CSMD1: variants seen among roughly 807,000 people sequenced by gnomAD.
CSMD1 encodes the protein CUB and sushi domain-containing protein 1.
CSMD1 carries 213 observed loss-of-function variants against 417.5 expected under a neutral mutation model. That is an observed-to-expected ratio of 0.51 (90% CI 0.46 to 0.57). CSMD1 has a LOEUF of 0.57. Ranked by LOEUF, CSMD1 falls within the 20% of genes least tolerant of loss-of-function variation. The pLI is 0.00. For synonymous variants in CSMD1, 2,862 were observed against 1,736.8 expected, an observed-to-expected ratio of 1.65 and a Z score of -16.11; for missense variants, 6,923 against 4,529.7, an observed-to-expected ratio of 1.53 and a Z score of -15.17.
intron 8 of CSMD1, among the ~76,000 whole-genome samples, chr8:3,594,100 T>C (rs536001950): frequency 1.6e-3 from 238 of 152,292 alleles, no homozygotes; most frequent in Non-Finnish European, 2.9e-3. Flanking sequence ...TTCTTCAGCA[T>C]CTTGAAAACA....
At chr8:4,244,717 G>C (rs560829332) in intron 3 of CSMD1, among the ~76,000 whole-genome samples, 31 of 151,952 alleles carry the variant, frequency 2.0e-4, no homozygotes, top group Non-Finnish European at 4.0e-4. Context: ...AGAAAACTCA[G>C]TTACCTCAAT....
At chr8:4,020,484 G>C (rs1237945456) in intron 4 of CSMD1, among the ~76,000 whole-genome samples, 1 of 152,152 alleles carries the variant, frequency 6.6e-6, no homozygotes. Context: ...CTAGGGTCAG[G>C]CTGCCTGGGT....
intron 5 of CSMD1, among the ~76,000 whole-genome samples, chr8:3,858,344 T>G (rs989812959): frequency 3.9e-5 from 6 of 152,276 alleles, no homozygotes; most frequent in Non-Finnish European, 7.4e-5. Flanking sequence ...GAAAAATGCT[T>G]AAAATATTTC....
At chr8:4,075,233 A>C (rs1032585998) in intron 3 of CSMD1, among the ~76,000 whole-genome samples, 19 of 152,192 alleles carry the variant, frequency 1.2e-4, no homozygotes, top group African/African-American at 4.1e-4. Context: ...GTGCAGCTTA[A>C]GGACTTAGGA....
chr8:3,576,536 T>C (rs928933445), intron 9 of CSMD1, among the ~76,000 whole-genome samples: 13 of 152,250 alleles, frequency 8.5e-5, no homozygotes, highest in Middle Eastern at 3.4e-3. Flanking sequence ...TGGAAATAAT[T>C]AGCTAAAATT....
Position 3,675,420 on chromosome 8 carries a change from G to A in CSMD1, c.1009+32994C>T, listed in dbSNP as rs112354642. ...CTTGTTTTGTTTGCTAATGAACAAA[G>A]GAAGTCTTCTGGATGGAAAGACCAA... On this transcript the variant is annotated intron_variant, in intron 7 of 69. Transcript: ENST00000635120. 1.5e-3 allele frequency among the ~76,000 whole-genome samples: 222 copies of A among 152,332 alleles called. 2 individuals are homozygous for A. The highest frequency in any genetic ancestry group is 5.1e-3 in the African/African-American group (214 of 41,582).
chr8:3,678,412 C>A (rs960507754), intron 7 of CSMD1, among the ~76,000 whole-genome samples: 2 of 151,954 alleles, frequency 1.3e-5, no homozygotes, highest in African/African-American at 4.8e-5. Context: ...ACAGCCGATT[C>A]GATCAACTGG....
At chr8:4,074,160 G>A (rs1292826083) in intron 3 of CSMD1, among the ~76,000 whole-genome samples, 2 of 151,954 alleles carry the variant, frequency 1.3e-5, no homozygotes, top group Non-Finnish European at 1.5e-5. Context: ...TACATATAAT[G>A]CATAACTTGT....
chr8:3,046,616 G>C (rs909606153), intron 50 of CSMD1, among the ~76,000 whole-genome samples: 1 of 152,140 alleles, frequency 6.6e-6, no homozygotes, highest in Non-Finnish European at 1.5e-5. Flanking sequence ...CCACGGTACA[G>C]TGTACCCCCA....
At chr8:4,784,321 C>T (rs770020764) in intron 1 of CSMD1, among the ~76,000 whole-genome samples, 6 of 152,192 alleles carry the variant, frequency 3.9e-5, no homozygotes, top group Admixed American at 6.5e-5. Flanking sequence ...AATAGAAAAG[C>T]GTGTAGCATT....
chr8:3,638,132 A>C (rs1006618198), intron 7 of CSMD1, among the ~76,000 whole-genome samples: 1 of 152,172 alleles, frequency 6.6e-6, no homozygotes, highest in Non-Finnish European at 1.5e-5. Flanking sequence ...TTGAGTCTTA[A>C]ACGTAAGATC....
intron 1 of CSMD1, among the ~76,000 whole-genome samples, chr8:4,987,305 T>C (rs6999675): frequency 1.4e-4 from 22 of 152,198 alleles, no homozygotes; most frequent in Non-Finnish European, 5.9e-5. Flanking sequence ...GTTCAAAAAC[T>C]GTGTGTCATG....
intron 2 of CSMD1, among the ~76,000 whole-genome samples, chr8:4,434,309 T>A (rs1392904448): frequency 6.6e-6 from 1 of 152,162 alleles, no homozygotes; most frequent in East Asian, 1.9e-4. Context: ...GAGGTTGCAG[T>A]GAGCTGAGAT....
At chr8:4,447,875 C>A (rs542486343) in intron 2 of CSMD1, among the ~76,000 whole-genome samples, 25 of 152,138 alleles carry the variant, frequency 1.6e-4, no homozygotes, top group Non-Finnish European at 2.8e-4. Flanking sequence ...GGAGGCTCGA[C>A]GAATGTACAA....
In CSMD1 at chr8:2,999,939, C is replaced by G; in HGVS notation, c.8203+19G>C. 6.3e-7 allele frequency: 1 copy of G among 1,587,084 alleles called. No individual in the cohort carries two copies. Among genetic ancestry groups the G allele is most frequent in the Non-Finnish European group, 8.6e-7 (1 of 1,163,944 alleles). On this transcript the variant is annotated intron_variant, in intron 53 of 69. Coordinates refer to ENST00000635120, the MANE Select transcript of CSMD1 (RefSeq NM_033225.6). ...CAAAAGGAAGCATCGATGAATTCGTCCACAAAGAGTGCACTTACGGACACA... is the reference window on the plus strand; with the variant it reads ...CAAAAGGAAGCATCGATGAATTCGTGCACAAAGAGTGCACTTACGGACACA...
At chr8:4,525,743 CA>C (rs1354114194) in intron 2 of CSMD1, among the ~76,000 whole-genome samples, 2 of 152,136 alleles carry the variant, frequency 1.3e-5, no homozygotes, top group Non-Finnish European at 2.9e-5. Flanking sequence ...ATCACATGGG[CA>C]ATGCTTATTT....
intron 7 of CSMD1, among the ~76,000 whole-genome samples, chr8:3,629,701 A>G (rs1402958040): frequency 2.6e-5 from 4 of 150,946 alleles, no homozygotes; most frequent in African/African-American, 9.7e-5. Context: ...AAAAGACCAC[A>G]TGATCGGCAC....
At chr8:4,429,425 A>G (rs1797745444) in intron 2 of CSMD1, among the ~76,000 whole-genome samples, 1 of 152,136 alleles carries the variant, frequency 6.6e-6, no homozygotes, top group African/African-American at 2.4e-5. Flanking sequence ...TCCTCCTTTC[A>G]CACAATGTTT....
chr8:4,742,000 C>CTTT lies in CSMD1; in HGVS notation c.86-104445_86-104443dup, dbSNP rs71209120. Among the ~76,000 whole-genome samples, 2 of 73,818 alleles carry CTTT rather than the reference C, an allele frequency of 2.7e-5. 1 individual carries two copies. Among genetic ancestry groups the CTTT allele is most frequent in the Non-Finnish European group, 5.4e-5 (2 of 37,162 alleles). 48.4% of individuals were successfully genotyped at this position (73,818 alleles called of 152,430 possible). A position where few individuals can be genotyped will look rare whatever the true frequency, so the allele number is the denominator to read the frequency against. ...AGGTCCGCACGCACCACCACACCCACTTTTTTTTTTTTTTTTTTTTTTTTT... is the reference window on the plus strand; with the variant it reads ...AGGTCCGCACGCACCACCACACCCACTTTTTTTTTTTTTTTTTTTTTTTTTTTT... On this transcript the variant is annotated intron_variant, in intron 1 of 69. Coordinates refer to ENST00000635120, the MANE Select transcript of CSMD1 (RefSeq NM_033225.6).
Sources: gnomAD v4.1 joint callset for allele counts (sites outside exome capture counted in the v4.1 genomes callset) on GRCh38, gnomAD v4.1.1 for gene constraint, MANE v1.5 for transcripts, NCBI Gene and HGNC (gene_info 2026-07-23, HGNC 2026-07-21) for gene names.